The following NFKB1 variants were observed in gnomAD, a reference collection of about 807,000 sequenced individuals.
The protein encoded by NFKB1 is nuclear factor NF-kappa-B p105 subunit.
NFKB1 carries 9 observed loss-of-function variants against 105.1 expected under a neutral mutation model. The observed-to-expected ratio is 0.09, with a 90% CI of 0.05 to 0.15. NFKB1 has a LOEUF of 0.15. Ranked by LOEUF, NFKB1 falls within the 10% of genes least tolerant of loss-of-function variation. The probability of loss-of-function intolerance (pLI) is 1.00; values close to 1 mark genes in which losing one functional copy is unlikely to be tolerated. For synonymous variants in NFKB1, 440 were observed against 442.2 expected, an observed-to-expected ratio of 1.00 and a Z score of 0.06; for missense variants, 830 against 1,203.7, an observed-to-expected ratio of 0.69 and a Z score of 4.59.
intron 4 of NFKB1, among the ~76,000 whole-genome samples, chr4:102,535,447 A>G (rs1560650458): frequency 6.6e-6 from 1 of 152,186 alleles, no homozygotes; most frequent in Non-Finnish European, 1.5e-5. Flanking sequence ...TGTGAGTAAA[A>G]CAATGTGTTT....
intron 3 of NFKB1, among the ~76,000 whole-genome samples, chr4:102,532,552 C>T (rs1490651188): frequency 6.6e-6 from 1 of 152,004 alleles, no homozygotes; most frequent in African/African-American, 2.4e-5. Flanking sequence ...TGCTTGAACC[C>T]AGGAAGCAGA....
At chr4:102,523,669 G>A (rs1267237757) in intron 1 of NFKB1, among the ~76,000 whole-genome samples, 1 of 152,158 alleles carries the variant, frequency 6.6e-6, no homozygotes, top group African/African-American at 2.4e-5. Flanking sequence ...CTGTCTCATG[G>A]CATTGTTCAG....
intron 13 of NFKB1, 24 bp from the exon 14 acceptor site, chr4:102,596,114 C>T (rs1313441106): frequency 6.8e-7 from 1 of 1,479,402 alleles, no homozygotes; most frequent in Non-Finnish European, 9.1e-7. Context: ...TGAGAAAAAT[C>T]TGATGTTTTT....
intron 5 of NFKB1, among the ~76,000 whole-genome samples, chr4:102,551,368 G>GTGCGCGCA (rs1553931294): frequency 1.1e-3 from 127 of 120,602 alleles, no homozygotes; most frequent in Non-Finnish European, 1.7e-3. Context: ...GTGTGTGTGT[G>GTGCGCGCA]CGCGCGCGCA....
intron 2 of NFKB1, among the ~76,000 whole-genome samples, chr4:102,526,004 G>A (rs897574997): frequency 6.6e-6 from 1 of 152,092 alleles, no homozygotes; most frequent in Non-Finnish European, 1.5e-5. Flanking sequence ...TTGGCTTGTA[G>A]CTTTATCGCT....
At chr4:102,566,933 C>G in intron 5 of NFKB1, 54 bp from the exon 6 acceptor site, 1 of 1,576,966 alleles carries the variant, frequency 6.3e-7, no homozygotes, top group Non-Finnish European at 8.7e-7. Flanking sequence ...AAACATGTTT[C>G]CATGTTGCTG....
intron 2 of NFKB1, among the ~76,000 whole-genome samples, chr4:102,527,603 T>C (rs907584802): frequency 2.0e-5 from 3 of 152,214 alleles, no homozygotes; most frequent in African/African-American, 7.2e-5. Context: ...ATGACTGCAT[T>C]GCTTTTCACA....
At chr4:102,579,692 A>G (rs1368058175) in intron 8 of NFKB1, among the ~76,000 whole-genome samples, 1 of 149,706 alleles carries the variant, frequency 6.7e-6, no homozygotes, top group African/African-American at 2.4e-5. Flanking sequence ...TATAGTTCCT[A>G]GGACTTTTTA....
chr4:102,516,904 G>T (rs542734084), intron 1 of NFKB1, among the ~76,000 whole-genome samples: 71 of 152,218 alleles, frequency 4.7e-4, no homozygotes, highest in African/African-American at 1.7e-3. Context: ...AACTCCCATC[G>T]TGTGGTCTTT....
chr4:102,522,523 A>G (rs1740637515), intron 1 of NFKB1, among the ~76,000 whole-genome samples: 3 of 152,212 alleles, frequency 2.0e-5, no homozygotes, highest in Admixed American at 2.0e-4. Flanking sequence ...GATTTTCATT[A>G]AGGTTTTAGC....
At chr4:102,502,386 GCGCGCA>G (rs1437217962) in intron 1 of NFKB1, among the ~76,000 whole-genome samples, 12 of 102,138 alleles carry the variant, frequency 1.2e-4, no homozygotes, top group East Asian at 2.7e-4. Context: ...GCGCGCGCGC[GCGCGCA>G]CACACACACA....
intron 12 of NFKB1, among the ~76,000 whole-genome samples, chr4:102,594,553 T>C (rs4648060): frequency 1.3e-5 from 2 of 152,336 alleles, no homozygotes; most frequent in Non-Finnish European, 1.5e-5. Flanking sequence ...CTCAAGGGGT[T>C]ATTTTAATGT....
In NFKB1 at chr4:102,606,651, C is replaced by G. The variant is rs753435891; in HGVS notation, c.1908C>G (p.Leu636=). ...EGHDKVLSIL[L]KHKKAALLLD... ...ATGATAAAGTTCTCAGTATCTTACT[C>G]AAGCACAAAAAGGCAGCACTACTTC... Residue 636 remains leucine (L), a synonymous_variant, in exon 17 of 24, where the codon CTC becomes CTG. Coordinates refer to ENST00000226574, the MANE Select transcript of NFKB1 (RefSeq NM_003998.4). 3 of 1,614,166 alleles carry G rather than the reference C, an allele frequency of 1.9e-6. No individual in the cohort carries two copies. In the South Asian group the frequency reaches 3.3e-5, roughly 18 times the overall value.
chr4:102,593,707 G>A (rs1726369345), intron 12 of NFKB1, 139 bp downstream of exon 12: 1 of 795,708 alleles, frequency 1.3e-6, no homozygotes, highest in Non-Finnish European at 1.7e-6. Context: ...CCTGACAAAT[G>A]TAAATTTATT....
intron 15 of NFKB1, 80 bp from the exon 16 acceptor site, chr4:102,600,815 T>C: frequency 1.2e-6 from 1 of 864,180 alleles, no homozygotes; most frequent in Non-Finnish European, 2.0e-6. Context: ...GATTCCATTC[T>C]TGAGTCTAAT....
intron 9 of NFKB1, among the ~76,000 whole-genome samples, chr4:102,581,080 C>T (rs1009096708): frequency 6.6e-6 from 1 of 152,140 alleles, no homozygotes; most frequent in African/African-American, 2.4e-5. Flanking sequence ...CTGAACACTT[C>T]CACAGATGTG....
chr4:102,567,044 A>T lies in NFKB1; in HGVS notation c.316A>T (p.Asn106Tyr), dbSNP rs1723936966. 1 of 1,613,908 alleles carries T rather than the reference A, an allele frequency of 6.2e-7. No homozygotes were observed. Among genetic ancestry groups the T allele is most frequent in the African/African-American group, 1.3e-5 (1 of 74,908 alleles). Reference sequence around the variant, plus strand: ...TGTTCAGTTGGTCACAAATGGAAAAAATATCCACCTGCATGCCCACAGCCT... The same window carrying T: ...TGTTCAGTTGGTCACAAATGGAAAATATATCCACCTGCATGCCCACAGCCT... The part of the protein sequence containing the change: ...VIVQLVTNGK[N>Y]IHLHAHSLVG... The change falls in exon 6 of 24, where the codon AAT becomes TAT. Residue 106 changes from asparagine to tyrosine, a missense_variant. By Grantham distance (143) the Asn-to-Tyr change is moderately radical. This residue lies in a region of NFKB1 where 64 missense variants were observed against 79.9 expected (regional missense o/e 0.80). Coordinates refer to ENST00000226574, the MANE Select transcript of NFKB1 (RefSeq NM_003998.4).
At chr4:102,515,893 A>T (rs1024517541) in intron 1 of NFKB1, among the ~76,000 whole-genome samples, 4 of 152,234 alleles carry the variant, frequency 2.6e-5, no homozygotes, top group African/African-American at 9.6e-5. Context: ...TCCCTTCAGC[A>T]TGAAGAACTT....
At chr4:102,525,886 C>T (rs546400609) in intron 2 of NFKB1, among the ~76,000 whole-genome samples, 1 of 152,248 alleles carries the variant, frequency 6.6e-6, no homozygotes, top group African/African-American at 2.4e-5. Flanking sequence ...GTTCTGGGGG[C>T]TAGAAGTATG....
Sources: gnomAD v4.1 joint callset for allele counts (sites outside exome capture counted in the v4.1 genomes callset) on GRCh38, gnomAD v4.1.1 for gene constraint, gnomAD v4.1.1 regional missense constraint, MANE v1.5 for transcripts, NCBI Gene and HGNC (gene_info 2026-07-23, HGNC 2026-07-21) for gene names.